The following PLPPR1 variants were observed in gnomAD, a reference collection of about 807,000 sequenced individuals.
PLPPR1 encodes phospholipid phosphatase-related protein type 1.
In PLPPR1, 10 loss-of-function variants were observed where a neutral mutation model predicts 33.1. The ratio of observed to expected loss-of-function variants is 0.30; its 90% CI spans 0.19 to 0.51. The LOEUF (loss-of-function observed/expected upper bound fraction) is 0.51. PLPPR1 is among the 20% of genes least tolerant of loss of function. The pLI is 0.97. For missense variants in PLPPR1, 304 were observed against 408.1 expected (o/e 0.74, Z 2.20); for synonymous variants, 151 against 151.0 (o/e 1.00, Z 0.00).
At chr9:101,067,182 G>T (rs1035529831) in intron 1 of PLPPR1, among the ~76,000 whole-genome samples, 2 of 151,716 alleles carry the variant, frequency 1.3e-5, no homozygotes, top group African/African-American at 4.8e-5. Flanking sequence ...CTATTTTATA[G>T]GTTCAAACTG....
intron 1 of PLPPR1, among the ~76,000 whole-genome samples, chr9:101,166,634 C>A (rs1181674072): frequency 6.6e-6 from 1 of 152,140 alleles, no homozygotes; most frequent in Non-Finnish European, 1.5e-5. Context: ...GTCTCTATAT[C>A]ATACAAAAAT....
intron 2 of PLPPR1, among the ~76,000 whole-genome samples, chr9:101,229,110 C>T (rs998436150): frequency 2.0e-5 from 3 of 152,080 alleles, no homozygotes; most frequent in Non-Finnish European, 4.4e-5. Context: ...GTTTGTCTTG[C>T]TTGTTATCAG....
At chr9:101,289,076 C>G (rs1253973546) in intron 4 of PLPPR1, among the ~76,000 whole-genome samples, 1 of 152,192 alleles carries the variant, frequency 6.6e-6, no homozygotes, top group Non-Finnish European at 1.5e-5. Flanking sequence ...AGGCCCTCTC[C>G]CATCATGCTA....
At chr9:101,150,626 C>A (rs1460511607) in intron 1 of PLPPR1, among the ~76,000 whole-genome samples, 2 of 152,146 alleles carry the variant, frequency 1.3e-5, no homozygotes, top group Non-Finnish European at 2.9e-5. Context: ...TTTAGCAAAA[C>A]CTCTAAGTCA....
intron 2 of PLPPR1, among the ~76,000 whole-genome samples, chr9:101,251,883 A>C (rs545039810): frequency 6.6e-6 from 1 of 152,246 alleles, no homozygotes; most frequent in African/African-American, 2.4e-5. Context: ...CTAATTTTAC[A>C]TATTTTTAAA....
chr9:101,060,427 A>G (rs1443918748), intron 1 of PLPPR1, among the ~76,000 whole-genome samples: 1 of 152,002 alleles, frequency 6.6e-6, no homozygotes, highest in South Asian at 2.1e-4. Flanking sequence ...AACATATTGT[A>G]TATTTGAAAA....
intron 3 of PLPPR1, among the ~76,000 whole-genome samples, chr9:101,275,157 C>A (rs1289120477): frequency 6.6e-6 from 1 of 152,192 alleles, no homozygotes; most frequent in African/African-American, 2.4e-5. Flanking sequence ...ATCTGTGAGA[C>A]ACTAACTAAC....
chr9:101,084,573 G>A (rs1483510393), intron 1 of PLPPR1, among the ~76,000 whole-genome samples: 2 of 152,168 alleles, frequency 1.3e-5, no homozygotes, highest in Non-Finnish European at 2.9e-5. Flanking sequence ...AGAAAAAAGC[G>A]GAAAACCAGA....
At chr9:101,254,974 C>G (rs1827774105) in intron 2 of PLPPR1, among the ~76,000 whole-genome samples, 2 of 152,124 alleles carry the variant, frequency 1.3e-5, no homozygotes, top group Non-Finnish European at 2.9e-5. Flanking sequence ...ATGTCTGTGC[C>G]AACTTAAAAT....
chr9:101,136,407 G>A, intron 1 of PLPPR1, among the ~76,000 whole-genome samples: 1 of 152,292 alleles, frequency 6.6e-6, no homozygotes, highest in East Asian at 1.9e-4. Context: ...GGGACAAAAG[G>A]CTTGTAGATT....
chr9:101,263,126 A>G (rs1257704957), intron 2 of PLPPR1, among the ~76,000 whole-genome samples: 1 of 152,182 alleles, frequency 6.6e-6, no homozygotes, highest in Non-Finnish European at 1.5e-5. Context: ...GACATTCTGC[A>G]CATGTATCCC....
chr9:101,290,266 A>G (rs1357046862), intron 4 of PLPPR1, among the ~76,000 whole-genome samples: 1 of 152,218 alleles, frequency 6.6e-6, no homozygotes, highest in Non-Finnish European at 1.5e-5. Flanking sequence ...ATACTACGCA[A>G]TTGACATTGG....
At chr9:101,163,766 G>A (rs911387616) in intron 1 of PLPPR1, among the ~76,000 whole-genome samples, 3 of 152,234 alleles carry the variant, frequency 2.0e-5, no homozygotes, top group Admixed American at 6.5e-5. Context: ...ATAGTGGCAC[G>A]GTCAGTTAGC....
chr9:101,130,973 T>A (rs1211615093), intron 1 of PLPPR1, among the ~76,000 whole-genome samples: 2 of 151,312 alleles, frequency 1.3e-5, no homozygotes, highest in Non-Finnish European at 2.9e-5. Flanking sequence ...AGTTTATGCA[T>A]GTGTAAAATG....
intron 1 of PLPPR1, among the ~76,000 whole-genome samples, chr9:101,063,598 T>G (rs1830372272): frequency 1.3e-5 from 2 of 152,112 alleles, no homozygotes. Context: ...ACTCCTCACG[T>G]ATTAAGCTCC....
intron 2 of PLPPR1, among the ~76,000 whole-genome samples, chr9:101,207,015 A>G (rs1163499414): frequency 6.6e-6 from 1 of 152,196 alleles, no homozygotes; most frequent in Non-Finnish European, 1.5e-5. Context: ...TAAACATGCA[A>G]TAAGTACTAA....
intron 2 of PLPPR1, among the ~76,000 whole-genome samples, chr9:101,191,537 CT>C (rs1287494259): frequency 6.6e-6 from 1 of 151,966 alleles, no homozygotes; most frequent in South Asian, 2.1e-4. Context: ...ATGCTTGAGA[CT>C]TTTTTTGTAA....
At chr9:101,149,302 C>A (rs1831555547) in intron 1 of PLPPR1, among the ~76,000 whole-genome samples, 2 of 152,306 alleles carry the variant, frequency 1.3e-5, no homozygotes, top group Admixed American at 1.3e-4. Context: ...TGAATGAATA[C>A]ATAAGCAAAT....
At chr9:101,145,655 A>G (rs1831511740) in intron 1 of PLPPR1, among the ~76,000 whole-genome samples, 1 of 152,098 alleles carries the variant, frequency 6.6e-6, no homozygotes, top group African/African-American at 2.4e-5. Context: ...TGCTGGGATT[A>G]CAAATGCAAG....
Sources: gnomAD v4.1 joint callset for allele counts (sites outside exome capture counted in the v4.1 genomes callset) on GRCh38, gnomAD v4.1.1 for gene constraint, MANE v1.5 for transcripts, NCBI Gene and HGNC (gene_info 2026-07-23, HGNC 2026-07-21) for gene names.